FHOD3: variants seen among roughly 807,000 people sequenced by gnomAD.
The protein encoded by FHOD3 is formin homology 2 domain containing 3, also known as FH1/FH2 domain-containing protein 3.
Under a neutral mutation model 173.0 loss-of-function variants are expected in FHOD3, and 90 were observed. The observed-to-expected ratio is 0.52, with a 90% CI of 0.44 to 0.62. The LOEUF (loss-of-function observed/expected upper bound fraction) is 0.62. Ranked by LOEUF, FHOD3 falls within the 20% of genes least tolerant of loss-of-function variation. The pLI is 0.00. For missense variants in FHOD3, 1,945 were observed against 2,034.7 expected, an observed-to-expected ratio of 0.96 and a Z score of 0.85; for synonymous variants, 828 against 823.0, an observed-to-expected ratio of 1.01 and a Z score of -0.10.
intron 14 of FHOD3, among the ~76,000 whole-genome samples, chr18:36,661,934 C>T (rs1340802356): frequency 6.6e-6 from 1 of 152,170 alleles, no homozygotes. Context: ...CAAAGGCCCT[C>T]AGGAATACAA....
At chr18:36,654,798 G>A (rs1454985797) in intron 13 of FHOD3, among the ~76,000 whole-genome samples, 2 of 152,256 alleles carry the variant, frequency 1.3e-5, no homozygotes, top group East Asian at 3.9e-4. Flanking sequence ...TTGGTACCAT[G>A]GAGATCTTAT....
chr18:36,535,338 T>C (rs1194057399), intron 5 of FHOD3, among the ~76,000 whole-genome samples: 2 of 152,230 alleles, frequency 1.3e-5, no homozygotes, highest in African/African-American at 4.8e-5. Context: ...AAGCCCATGC[T>C]GGTATCCCAA....
chr18:36,466,868 CTTT>C (rs10546728), intron 3 of FHOD3, among the ~76,000 whole-genome samples: 5 of 148,864 alleles, frequency 3.4e-5, no homozygotes, highest in African/African-American at 9.9e-5. Context: ...GTGATTTTAG[CTTT>C]TTTTTTTTTG....
At chr18:36,508,335 G>A (rs745540820) in intron 4 of FHOD3, among the ~76,000 whole-genome samples, 9 of 151,512 alleles carry the variant, frequency 5.9e-5, no homozygotes, top group Admixed American at 3.9e-4. Flanking sequence ...CACTAGCAAC[G>A]AGATTGTGGT....
At chr18:36,540,556 C>CTT (rs2057168213) in intron 5 of FHOD3, among the ~76,000 whole-genome samples, 1 of 152,174 alleles carries the variant, frequency 6.6e-6, no homozygotes, top group Non-Finnish European at 1.5e-5. Context: ...GACAGTGCTG[C>CTT]TATATCCAGG....
chr18:36,709,566 C>G (rs921513733), intron 18 of FHOD3, 175 bp downstream of exon 18: 1 of 660,424 alleles, frequency 1.5e-6, no homozygotes, highest in Non-Finnish European at 2.5e-6. Context: ...TGGCAGCCAG[C>G]CAGCAGCCTT....
intron 17 of FHOD3, among the ~76,000 whole-genome samples, chr18:36,697,984 A>C (rs1429469015): frequency 6.6e-6 from 1 of 152,158 alleles, no homozygotes; most frequent in Non-Finnish European, 1.5e-5. Context: ...AATCAGAAAC[A>C]TCTGGTATCC....
At chr18:36,589,233 A>G (rs1232168579) in intron 6 of FHOD3, among the ~76,000 whole-genome samples, 1 of 152,236 alleles carries the variant, frequency 6.6e-6, no homozygotes, top group Non-Finnish European at 1.5e-5. Flanking sequence ...TTTCTGTTAT[A>G]TACTGTGATT....
intron 3 of FHOD3, among the ~76,000 whole-genome samples, chr18:36,472,231 A>G (rs1513848): frequency 0.15 from 22,565 of 152,158 alleles, 2,276 homozygotes; most frequent in African/African-American, 0.28. Context: ...TTCGATGAAT[A>G]CTTCTGAAGG....
chr18:36,607,340 C>A (rs2032193927), intron 8 of FHOD3, among the ~76,000 whole-genome samples: 1 of 152,176 alleles, frequency 6.6e-6, no homozygotes, highest in Non-Finnish European at 1.5e-5. Flanking sequence ...GCCAAAAAAT[C>A]CTGCACCAGA....
intron 3 of FHOD3, among the ~76,000 whole-genome samples, chr18:36,388,448 G>A (rs2048132463): frequency 6.6e-6 from 1 of 151,850 alleles, no homozygotes; most frequent in Non-Finnish European, 1.5e-5. Context: ...AGCGCCAGTT[G>A]TGTTCATGTC....
At chr18:36,318,513 T>G (rs1037122656) in intron 1 of FHOD3, among the ~76,000 whole-genome samples, 2 of 152,222 alleles carry the variant, frequency 1.3e-5, no homozygotes, top group African/African-American at 4.8e-5. Flanking sequence ...TCACACATGA[T>G]TTGGCTCTCT....
At chr18:36,768,808 C>A (rs955996131) in intron 27 of FHOD3, among the ~76,000 whole-genome samples, 1 of 152,118 alleles carries the variant, frequency 6.6e-6, no homozygotes, top group Non-Finnish European at 1.5e-5. Context: ...CACATACAAC[C>A]ACTGATAGAG....
intron 5 of FHOD3, among the ~76,000 whole-genome samples, chr18:36,560,452 A>G (rs2058044906): frequency 6.6e-6 from 1 of 152,218 alleles, no homozygotes; most frequent in African/African-American, 2.4e-5. Context: ...CTTTGGCTTT[A>G]GAGCCTGCAC....
chr18:36,332,778 C>T (rs1332098008), intron 1 of FHOD3, among the ~76,000 whole-genome samples: 3 of 152,178 alleles, frequency 2.0e-5, no homozygotes, highest in Non-Finnish European at 2.9e-5. Context: ...CGGTTGCCAG[C>T]GTTAGTTTTG....
At chr18:36,553,404 T>C (rs2057743274) in intron 5 of FHOD3, among the ~76,000 whole-genome samples, 1 of 152,230 alleles carries the variant, frequency 6.6e-6, no homozygotes, top group Non-Finnish European at 1.5e-5. Context: ...GTACCAGCTC[T>C]TCTTTGTACC....
chr18:36,453,720 G>C (rs919195080), intron 3 of FHOD3, among the ~76,000 whole-genome samples: 2 of 152,178 alleles, frequency 1.3e-5, no homozygotes, highest in Non-Finnish European at 2.9e-5. Context: ...CAGAGGCTGG[G>C]AGCAAAGAAG....
Position 36,501,837 on chromosome 18 carries a change from C to T in FHOD3, c.338-95C>T, listed in dbSNP as rs188012399. 276 of 851,870 alleles carry T rather than the reference C, an allele frequency of 3.2e-4. No homozygotes were observed. The African/African-American group carries it at 4.3e-3, about 13-fold the overall frequency. 52.8% of individuals were successfully genotyped at this position (851,870 alleles called of 1,614,324 possible). On this transcript the variant is annotated intron_variant, in intron 3 of 28. Coordinates refer to ENST00000590592, the MANE Select transcript of FHOD3 (RefSeq NM_001281740.3). The stretch of plus-strand genomic sequence containing the variant: ...AAATGAATAGGCTTTCATTACCTTT[C>T]CAGGGATAGTTTTGTTATCATTCAT...
intron 3 of FHOD3, among the ~76,000 whole-genome samples, chr18:36,438,715 G>A (rs1281159403): frequency 6.6e-6 from 1 of 152,212 alleles, no homozygotes; most frequent in African/African-American, 2.4e-5. Flanking sequence ...CTCCGTCCAT[G>A]CCCTGCCTCG....
Sources: allele counts gnomAD v4.1 joint callset (sites outside exome capture counted in the v4.1 genomes callset), GRCh38; gene constraint gnomAD v4.1.1; transcripts MANE v1.5; gene names NCBI Gene and HGNC (gene_info 2026-07-23, HGNC 2026-07-21).